Variants in ADGRD1 observed in about 807,000 individuals in gnomAD.
ADGRD1 encodes G-protein coupled receptor 133.
A neutral mutation model predicts 113.4 loss-of-function variants in ADGRD1; 77 were observed. The ratio of observed to expected loss-of-function variants is 0.68; its 90% CI spans 0.57 to 0.82. ADGRD1 has a LOEUF of 0.82. Ranked by LOEUF, ADGRD1 falls within the 40% of genes least tolerant of loss-of-function variation. The probability of loss-of-function intolerance (pLI) is 0.00; values close to 1 mark genes in which losing one functional copy is unlikely to be tolerated. For synonymous variants in ADGRD1, 474 were observed against 475.0 expected, an observed-to-expected ratio of 1.00 and a Z score of 0.03; for missense variants, 1,036 against 1,139.1, an observed-to-expected ratio of 0.91 and a Z score of 1.30.
chr12:131,131,946 C>T, intron 21 of ADGRD1, 130 bp downstream of exon 21: 1 of 671,358 alleles, frequency 1.5e-6, no homozygotes, highest in Non-Finnish European at 2.7e-6. Flanking sequence ...GCTCCGTGTC[C>T]CTGCCATCTC....
intron 13 of ADGRD1, among the ~76,000 whole-genome samples, chr12:131,042,349 G>A (rs12312089): frequency 0.11 from 16,529 of 152,104 alleles, 1,226 homozygotes; most frequent in Non-Finnish European, 0.16. Context: ...CCTGCCCAGC[G>A]CTACCCCCAG....
At chr12:131,004,380 C>A in intron 11 of ADGRD1, 84 bp downstream of exon 11, 1 of 844,570 alleles carries the variant, frequency 1.2e-6, no homozygotes, top group Non-Finnish European at 1.9e-6. Context: ...TGGGTGCCCA[C>A]CGCGCCAGGG....
chr12:131,002,698 G>T (rs1375544471), intron 9 of ADGRD1: 11 of 1,209,936 alleles, frequency 9.1e-6, no homozygotes, highest in Non-Finnish European at 1.2e-5. Context: ...CTCCTGGGAA[G>T]TCAAGGCAGC....
At chr12:131,029,967 TG>T (rs1880478293) in intron 13 of ADGRD1, among the ~76,000 whole-genome samples, 1 of 150,644 alleles carries the variant, frequency 6.6e-6, no homozygotes, top group Non-Finnish European at 1.5e-5. Flanking sequence ...TCCCAGGCTC[TG>T]GGGTTAGGTT....
intron 4 of ADGRD1, chr12:130,980,614 T>G (rs988281423): frequency 1.3e-5 from 2 of 151,068 alleles, no homozygotes; most frequent in African/African-American, 4.9e-5. Context: ...GCCAGGCTGG[T>G]CTCAAACTCC....
At chr12:130,995,522 G>C (rs1018973366) in intron 8 of ADGRD1, among the ~76,000 whole-genome samples, 6 of 152,196 alleles carry the variant, frequency 3.9e-5, no homozygotes, top group African/African-American at 1.4e-4. Context: ...GAAATGGATG[G>C]CATGGGCCAG....
chr12:130,994,720 T>C (rs923310249), intron 8 of ADGRD1, among the ~76,000 whole-genome samples: 1 of 152,254 alleles, frequency 6.6e-6, no homozygotes, highest in African/African-American at 2.4e-5. Context: ...CACAGTTGCA[T>C]GCTCATGAGT....
In ADGRD1 at chr12:131,005,954, C is replaced by G. The variant is rs775844683; in HGVS notation, c.1256-18C>G. The G allele has an allele frequency of 5.6e-6, 9 of 1,606,026 alleles. No individual in the cohort carries two copies. In the East Asian group the frequency reaches 1.8e-4, roughly 32 times the overall value. ...GCCTGGAGCGCTGACAGCGCCTGCC[C>G]CTCTGCTCTCTCTGCAGCCTGGAGC... On this transcript the variant is annotated intron_variant, in intron 11 of 24. Transcript: ENST00000261654.
chr12:131,042,671 C>T (rs1002155759), intron 13 of ADGRD1, among the ~76,000 whole-genome samples: 6 of 152,326 alleles, frequency 3.9e-5, no homozygotes, highest in Non-Finnish European at 7.3e-5. Flanking sequence ...GGGTCACAGG[C>T]GCTGCGGCTC....
intron 13 of ADGRD1, among the ~76,000 whole-genome samples, chr12:131,044,254 C>T (rs1269332679): frequency 6.6e-6 from 1 of 152,260 alleles, no homozygotes; most frequent in Non-Finnish European, 1.5e-5. Context: ...AAGGATGAAG[C>T]GGCCGTCCTC....
At chr12:130,992,531 G>T (rs1242641077) in intron 8 of ADGRD1, 139 bp downstream of exon 8, 13 of 716,276 alleles carry the variant, frequency 1.8e-5, no homozygotes, top group Non-Finnish European at 2.5e-5. Context: ...GGCTTCTCAT[G>T]AACAACCAGC....
At chr12:130,994,703 A>C (rs1874994803) in intron 8 of ADGRD1, among the ~76,000 whole-genome samples, 1 of 152,224 alleles carries the variant, frequency 6.6e-6, no homozygotes, top group South Asian at 2.1e-4. Context: ...TGGATGGCTT[A>C]ATGAGCCACA....
intron 14 of ADGRD1, among the ~76,000 whole-genome samples, chr12:131,077,512 G>A (rs1885722473): frequency 1.3e-5 from 2 of 152,086 alleles, no homozygotes; most frequent in Admixed American, 1.3e-4. Context: ...TCCCACCATC[G>A]CTGTGATCAC....
rs777452539 is a variant in ADGRD1, at chr12:131,027,629, A to G, written c.1473+13289A>G. The G allele has an allele frequency of 3.9e-5, 6 of 152,164 alleles. No homozygotes were observed. The highest frequency in any genetic ancestry group is 7.3e-5 in the Non-Finnish European group (5 of 68,036). The allele number at this position is 152,164 out of a possible 1,614,324, so 9.4% of individuals were successfully genotyped here. On this transcript the variant is annotated intron_variant, in intron 13 of 24. Coordinates refer to ENST00000261654, the MANE Select transcript of ADGRD1 (RefSeq NM_198827.5). The surrounding 1 kb of genome is among the most constrained non-coding windows in gnomAD (Gnocchi z 5.1). ...AAAATTTATTTTGGATGTTTAATCC[A>G]GATCTGTGTTTATTTACTGAGGGGA...
intron 14 of ADGRD1, among the ~76,000 whole-genome samples, chr12:131,077,196 C>T (rs1159370704): frequency 1.3e-5 from 2 of 152,174 alleles, no homozygotes; most frequent in South Asian, 2.1e-4. Context: ...GCAGGCCCTA[C>T]AGCCCTGGCT....
At chr12:131,106,060 C>G (rs1193048731) in intron 17 of ADGRD1, among the ~76,000 whole-genome samples, 195 bp downstream of exon 17, 4 of 152,160 alleles carry the variant, frequency 2.6e-5, no homozygotes, top group Non-Finnish European at 5.9e-5. Flanking sequence ...ACGCCAGCCT[C>G]GGGTAAAGCT....
At chr12:131,078,137 G>A (rs11061313) in intron 14 of ADGRD1, among the ~76,000 whole-genome samples, 3 of 152,284 alleles carry the variant, frequency 2.0e-5, no homozygotes, top group East Asian at 1.9e-4. Context: ...CTGCTGGTAT[G>A]GTCCCCGTCA....
rs3072393 is a variant in ADGRD1 at position 131,050,218 on chromosome 12, G to GTCATCATCATCATCATCA, written c.1474-26579_1474-26562dup. Among the ~76,000 whole-genome samples the GTCATCATCATCATCATCA allele has an allele frequency of 1.3e-5, 2 of 150,798 alleles. No homozygotes were observed. The highest frequency in any genetic ancestry group is 4.3e-4 in the South Asian group (2 of 4,688). ...TCAAGTTGAAATCACCATCGTCATC[G>GTCATCATCATCATCATCA]TCATCATCATCATCATCATCAATGA... On this transcript the variant is annotated intron_variant, in intron 13 of 24. Transcript: ENST00000261654. This position sits in a 1 kb window ranked among gnomAD's most constrained non-coding sequence, Gnocchi z 4.8.
At chr12:130,990,890 T>C in intron 6 of ADGRD1, 124 bp from the exon 7 acceptor site, 1 of 686,284 alleles carries the variant, frequency 1.5e-6, no homozygotes, top group South Asian at 1.9e-5. Context: ...ACATTCCTAC[T>C]CAAAACATTC....
Sources: gnomAD v4.1 joint callset for allele counts (sites outside exome capture counted in the v4.1 genomes callset) on GRCh38, gnomAD v4.1.1 for gene constraint, Gnocchi (gnomAD v3.1) non-coding constraint, MANE v1.5 for transcripts, NCBI Gene and HGNC (gene_info 2026-07-23, HGNC 2026-07-21) for gene names.